The following CNKSR2 variants were observed in gnomAD, a reference collection of about 807,000 sequenced individuals.
The protein encoded by CNKSR2 is CNK homolog protein 2.
A neutral mutation model predicts 84.4 loss-of-function variants in CNKSR2; 14 were observed. The observed-to-expected ratio is 0.17, with a 90% CI of 0.11 to 0.26. The LOEUF (loss-of-function observed/expected upper bound fraction) is 0.26, where lower values mean the gene tolerates loss of function less well. Ranked by LOEUF, CNKSR2 falls within the 10% of genes least tolerant of loss-of-function variation. The pLI, the probability that CNKSR2 is intolerant of heterozygous loss-of-function variation, is 1.00. For missense variants in CNKSR2, 485 were observed against 771.2 expected (o/e 0.63, Z 4.40); for synonymous variants, 275 against 277.9 (o/e 0.99, Z 0.10).
At chrX:21,558,826 T>C (rs2092162343) in intron 11 of CNKSR2, among the ~76,000 whole-genome samples, 1 of 111,608 alleles carries the variant, frequency 9.0e-6, no homozygotes, top group Admixed American at 9.6e-5. Context: ...TTTTAATATA[T>C]ATAACATATA....
chrX:21,492,566 C>G (rs1335791957), intron 6 of CNKSR2: 1 of 108,496 alleles, frequency 9.2e-6, no homozygotes, highest in Non-Finnish European at 1.9e-5. Flanking sequence ...TTTACTATTC[C>G]ACATTCAAAT....
At chrX:21,498,373 A>G (rs1278954475) in intron 7 of CNKSR2, among the ~76,000 whole-genome samples, 4 of 111,528 alleles carry the variant, frequency 3.6e-5, no homozygotes, top group African/African-American at 6.5e-5. Context: ...TAAATCAGAA[A>G]TTCTGGAGAC....
At chrX:21,405,979 T>C (rs1300656679) in intron 1 of CNKSR2, among the ~76,000 whole-genome samples, 1 of 110,616 alleles carries the variant, frequency 9.0e-6, no homozygotes, top group Non-Finnish European at 1.9e-5. Context: ...AGATTCTACA[T>C]AGCAGAGTAG....
chrX:21,490,364 T>A, intron 5 of CNKSR2, 95 bp from the exon 6 acceptor site: 1 of 879,911 alleles, frequency 1.1e-6, no homozygotes, highest in Non-Finnish European at 1.6e-6. Context: ...CTTCTACTGT[T>A]TATTTTTCCT....
intron 1 of CNKSR2, among the ~76,000 whole-genome samples, chrX:21,403,560 T>A (rs2090222253): frequency 9.0e-6 from 1 of 111,291 alleles, no homozygotes; most frequent in Non-Finnish European, 1.9e-5. Context: ...GAGAAAAGAG[T>A]TAATTGGTGA....
chrX:21,621,162 C>T (rs2092599939), intron 20 of CNKSR2, among the ~76,000 whole-genome samples: 1 of 111,217 alleles, frequency 9.0e-6, no homozygotes, highest in Admixed American at 9.6e-5. Context: ...TGGCTACCCT[C>T]ATCTGGACTC....
chrX:21,543,336 G>A lies in CNKSR2; in HGVS notation c.1303+11269G>A, dbSNP rs16981597. On this transcript the variant is annotated intron_variant, in intron 11 of 21. Coordinates refer to ENST00000379510, the MANE Select transcript of CNKSR2 (RefSeq NM_014927.5). ...CAGAAATAGAAATTAGTGATTCAAA[G>A]ATGAAGAAATGTGGGATGTGCACTA... Among the ~76,000 whole-genome samples, 1,099 of 112,421 alleles carry A rather than the reference G, an allele frequency of 9.8e-3. 14 individuals carry two copies. Among genetic ancestry groups the A allele is most frequent in the African/African-American group, 0.032 (998 of 30,998 alleles).
At chrX:21,420,441 C>A (rs2090480400) in intron 1 of CNKSR2, among the ~76,000 whole-genome samples, 1 of 112,249 alleles carries the variant, frequency 8.9e-6, no homozygotes, top group African/African-American at 3.2e-5. Context: ...AGTCCCCTTT[C>A]CTTTTTCTTC....
At chrX:21,480,787 AC>A (rs2091310686) in intron 5 of CNKSR2, among the ~76,000 whole-genome samples, 1 of 111,848 alleles carries the variant, frequency 8.9e-6, no homozygotes, top group Non-Finnish European at 1.9e-5. Flanking sequence ...ACATTTTCTC[AC>A]TGTTTTGGCA....
At chrX:21,463,286 T>C (rs1405596045) in intron 4 of CNKSR2, among the ~76,000 whole-genome samples, 1 of 111,220 alleles carries the variant, frequency 9.0e-6, no homozygotes, top group East Asian at 2.8e-4. Flanking sequence ...GGCCTGTAGT[T>C]TTCTTTCTTT....
intron 11 of CNKSR2, among the ~76,000 whole-genome samples, chrX:21,560,094 A>G (rs1296306051): frequency 9.0e-6 from 1 of 111,651 alleles, no homozygotes; most frequent in Non-Finnish European, 1.9e-5. Flanking sequence ...CAGATACTGA[A>G]AAGTGGTATG....
In CNKSR2 at chrX:21,521,174, C is replaced by CA. The variant is rs1205654431; in HGVS notation, c.957+4550dup. 3.6e-5 allele frequency among the ~76,000 whole-genome samples: 4 copies of CA among 109,641 alleles called. No homozygotes were observed. In the East Asian group the frequency reaches 8.6e-4, roughly 24 times the overall value. ...GTGACTGAAAAAAAAACATTAGTGACAAAAAAATTTATCTGTTTCTGAGAG... is the reference window on the plus strand; with the variant it reads ...GTGACTGAAAAAAAAACATTAGTGACAAAAAAAATTTATCTGTTTCTGAGAG... On this transcript the variant is annotated intron_variant, in intron 9 of 21. Coordinates refer to ENST00000379510, the MANE Select transcript of CNKSR2 (RefSeq NM_014927.5).
At chrX:21,578,920 A>T (rs893091484) in intron 13 of CNKSR2, among the ~76,000 whole-genome samples, 1 of 111,780 alleles carries the variant, frequency 8.9e-6, no homozygotes, top group Non-Finnish European at 1.9e-5. Flanking sequence ...ACCCATGAGC[A>T]CAAACCAGAG....
At chrX:21,433,199 T>C (rs2090658446) in intron 3 of CNKSR2, among the ~76,000 whole-genome samples, 1 of 111,908 alleles carries the variant, frequency 8.9e-6, no homozygotes, top group African/African-American at 3.2e-5. Context: ...TAAACTGTTT[T>C]AAATAGGTAA....
At chrX:21,584,001 A>G (rs1317188818) in intron 13 of CNKSR2, among the ~76,000 whole-genome samples, 1 of 112,424 alleles carries the variant, frequency 8.9e-6, no homozygotes, top group African/African-American at 3.2e-5. Context: ...ATTTTAGCAC[A>G]TTCTATTTTT....
At chrX:21,485,233 A>T (rs2091369777) in intron 5 of CNKSR2, among the ~76,000 whole-genome samples, 2 of 111,869 alleles carry the variant, frequency 1.8e-5, no homozygotes, top group African/African-American at 6.5e-5. Flanking sequence ...TATTAATCTT[A>T]AAAGTATCTG....
At chrX:21,471,413 G>A (rs752536998) in intron 5 of CNKSR2, among the ~76,000 whole-genome samples, 1 of 111,885 alleles carries the variant, frequency 8.9e-6, no homozygotes. Flanking sequence ...ATGCTAGTTT[G>A]TCCTAATAAC....
chrX:21,500,463 G>A (rs988564888), intron 7 of CNKSR2, among the ~76,000 whole-genome samples: 2 of 110,912 alleles, frequency 1.8e-5, no homozygotes, highest in Non-Finnish European at 3.8e-5. Flanking sequence ...AGATAATAAC[G>A]AAGAGTATCA....
chrX:21,573,189 C>T (rs1457828940), intron 13 of CNKSR2, among the ~76,000 whole-genome samples: 7 of 112,349 alleles, frequency 6.2e-5, no homozygotes, highest in Admixed American at 1.9e-4. Flanking sequence ...CTGTTGCAAG[C>T]GGTGGGGTCC....
Sources: allele counts gnomAD v4.1 joint callset (sites outside exome capture counted in the v4.1 genomes callset), GRCh38; gene constraint gnomAD v4.1.1; transcripts MANE v1.5; gene names NCBI Gene and HGNC (gene_info 2026-07-23, HGNC 2026-07-21).